QRFPR: variants seen among roughly 807,000 people sequenced by gnomAD.
QRFPR encodes pyroglutamylated RFamide peptide receptor.
In QRFPR, 37 loss-of-function variants were observed where a neutral mutation model predicts 31.3. That is an observed-to-expected ratio of 1.18 (90% CI 0.91 to 1.56). The LOEUF is 1.56. Ranked by LOEUF, QRFPR falls within the 40% of genes most tolerant of loss-of-function variation. The probability of loss-of-function intolerance (pLI) is 0.00; values close to 1 mark genes in which losing one functional copy is unlikely to be tolerated. For synonymous variants in QRFPR, 197 were observed against 192.0 expected (o/e 1.03, Z -0.22); for missense variants, 542 against 532.5 (o/e 1.02, Z -0.18).
At position 121,329,118 on chromosome 4, in the gene QRFPR, T is replaced by A; in HGVS notation, c.*196A>T. On this transcript the variant is annotated 3_prime_UTR_variant, in exon 6 of 6. Transcript: ENST00000394427. Reference sequence around the variant, plus strand: ...GGGAATGAGAAGGAACACAGAAATCTGTTAAATGATTGTGATCAATTGGTT... The same window carrying A: ...GGGAATGAGAAGGAACACAGAAATCAGTTAAATGATTGTGATCAATTGGTT... 2.0e-6 allele frequency: 1 copy of A among 490,290 alleles called. No homozygotes were observed. The highest frequency in any genetic ancestry group is 3.5e-6 in the Non-Finnish European group (1 of 284,860). 30.4% of individuals were successfully genotyped at this position (490,290 alleles called of 1,614,324 possible). A position where few individuals can be genotyped will look rare whatever the true frequency, so the allele number is the denominator to read the frequency against.
chr4:121,360,868 A>G (rs1041886602), intron 1 of QRFPR, among the ~76,000 whole-genome samples: 4 of 152,132 alleles, frequency 2.6e-5, no homozygotes, highest in African/African-American at 9.7e-5. Flanking sequence ...ATACAGAACT[A>G]TTCACATTTT....
Position 121,329,083 on chromosome 4 carries a change from G to C in QRFPR, c.*231C>G, listed in dbSNP as rs1261706195. 2 of 402,216 alleles carry C rather than the reference G, an allele frequency of 5.0e-6. No homozygotes were observed. The highest frequency in any genetic ancestry group is 2.1e-5 in the African/African-American group (1 of 48,436). 24.9% of individuals were successfully genotyped at this position (402,216 alleles called of 1,614,324 possible). A position where few individuals can be genotyped will look rare whatever the true frequency, so the allele number is the denominator to read the frequency against. On this transcript the variant is annotated 3_prime_UTR_variant, in exon 6 of 6. Transcript: ENST00000394427. ...ATGTTGCTTTTTTAAGGCTAGTCAA[G>C]TGAAGCAGTGGGAATGAGAAGGAAC...
chr4:121,340,603 G>T lies in QRFPR; in HGVS notation c.348C>A (p.Phe116Leu), dbSNP rs1200867746. Reference protein sequence around the residue: ...NISDNWLGGAFICKMVPFVQS... With the variant: ...NISDNWLGGALICKMVPFVQS... Reference sequence around the variant, plus strand: ...GGACAAATGGCACCATCTTGCAAATGAAAGCACCTGCAGTAAGGAAATAGG... The same window carrying T: ...GGACAAATGGCACCATCTTGCAAATTAAAGCACCTGCAGTAAGGAAATAGG... The change falls in exon 2 of 6, where the codon TTC becomes TTA. Residue 116 changes from phenylalanine to leucine, a missense_variant. Physicochemically the swap from Phe to Leu is conservative, Grantham distance 22 (BLOSUM62 0). Coordinates refer to ENST00000394427, the MANE Select transcript of QRFPR (RefSeq NM_198179.3). The T allele has an allele frequency of 1.2e-6, 2 of 1,613,518 alleles. No individual in the cohort carries two copies. Among genetic ancestry groups the T allele is most frequent in the South Asian group, 2.2e-5 (2 of 91,050 alleles).
At chr4:121,348,237 C>A (rs1410320843) in intron 1 of QRFPR, among the ~76,000 whole-genome samples, 1 of 152,126 alleles carries the variant, frequency 6.6e-6, no homozygotes, top group East Asian at 1.9e-4. Flanking sequence ...AACAGTACTT[C>A]CCTCATAGGA....
chr4:121,333,192 A>G (rs1477550934), intron 3 of QRFPR, 136 bp from the exon 4 acceptor site: 2 of 608,932 alleles, frequency 3.3e-6, no homozygotes, highest in Admixed American at 6.0e-5. Flanking sequence ...AATGAGATAC[A>G]TTTTTAATTG....
At chr4:121,365,663 ATT>A (rs1325458829) in intron 1 of QRFPR, among the ~76,000 whole-genome samples, 1 of 36,436 alleles carries the variant, frequency 2.7e-5, no homozygotes, top group Non-Finnish European at 4.6e-5. Flanking sequence ...TATTATATAT[ATT>A]TTATATATTA....
chr4:121,366,639 A>G (rs76503879), intron 1 of QRFPR, among the ~76,000 whole-genome samples: 12,326 of 149,758 alleles, frequency 0.082, 1,186 homozygotes, highest in Non-Finnish European at 0.11. Context: ...CTGAGAGTGA[A>G]CAAAGTGAGA....
chr4:121,370,692 T>C (rs915677242), intron 1 of QRFPR, among the ~76,000 whole-genome samples: 1 of 152,140 alleles, frequency 6.6e-6, no homozygotes, highest in Non-Finnish European at 1.5e-5. Flanking sequence ...TGCATCTCAA[T>C]CCCACAGGAA....
intron 3 of QRFPR, among the ~76,000 whole-genome samples, chr4:121,336,449 T>A (rs1410846106): frequency 6.6e-6 from 1 of 152,200 alleles, no homozygotes; most frequent in Non-Finnish European, 1.5e-5. Flanking sequence ...TTTTTTTACG[T>A]GACTTAAAAA....
At chr4:121,336,946 A>G (rs1725447557) in intron 2 of QRFPR, 78 bp from the exon 3 acceptor site, 2 of 1,303,986 alleles carry the variant, frequency 1.5e-6, no homozygotes, top group Non-Finnish European at 2.2e-6. Flanking sequence ...AACCCTCAAG[A>G]TTCCCTATGA....
intron 1 of QRFPR, among the ~76,000 whole-genome samples, chr4:121,365,622 T>A (rs1222098955): frequency 0.33 from 4,543 of 13,660 alleles, 594 homozygotes; most frequent in East Asian, 0.38. Context: ...TTATATATAT[T>A]ATATATTATA....
At chr4:121,362,528 A>G (rs1177232230) in intron 1 of QRFPR, among the ~76,000 whole-genome samples, 2 of 150,178 alleles carry the variant, frequency 1.3e-5, no homozygotes, top group Non-Finnish European at 3.0e-5. Flanking sequence ...CACAAAATTG[A>G]AAAAGAAAAA....
At position 121,380,524 on chromosome 4, in the gene QRFPR, C is replaced by T. The variant is rs1454772190; in HGVS notation, c.124G>A (p.Gly42Arg). Residue 42 changes from glycine (G) to arginine (R), a missense_variant, in exon 1 of 6, where the codon GGA becomes AGA. Gly to Arg is a moderately radical substitution (Grantham distance 125). Transcript: ENST00000394427. ...AGCACGAGGGCCAGCTTGGCGCGTC[C>T]CGGCAGCTCTGGGGTGTAGACGAGC... is the stretch of plus-strand genomic sequence containing the variant. ...RPLVYTPELPGRAKLALVLTG... is the reference protein window; with the variant it reads ...RPLVYTPELPRRAKLALVLTG... 2 of 1,613,486 alleles carry T rather than the reference C, an allele frequency of 1.2e-6. No homozygotes were observed. Among genetic ancestry groups the T allele is most frequent in the East Asian group, 2.2e-5 (1 of 44,864 alleles).
At chr4:121,378,105 C>A (rs1208797575) in intron 1 of QRFPR, among the ~76,000 whole-genome samples, 1 of 152,092 alleles carries the variant, frequency 6.6e-6, no homozygotes, top group African/African-American at 2.4e-5. Flanking sequence ...AATTAAACAC[C>A]CCTTAATAGA....
Position 121,380,973 on chromosome 4 carries a change from G to A in QRFPR, c.-326C>T. On this transcript the variant is annotated 5_prime_UTR_variant, in exon 1 of 6. Coordinates refer to ENST00000394427, the MANE Select transcript of QRFPR (RefSeq NM_198179.3). The stretch of plus-strand genomic sequence containing the variant: ...CCGCCACGGTCTGGGGTGCTGGAGC[G>A]CCACGCGAGGGTCCTGGCGCCTCTG... 3.7e-6 allele frequency: 1 copy of A among 269,516 alleles called. No homozygotes were observed. Among genetic ancestry groups the A allele is most frequent in the Non-Finnish European group, 6.9e-6 (1 of 143,912 alleles). The allele number at this position is 269,516 out of a possible 1,614,324, so 16.7% of individuals were successfully genotyped here. A position where few individuals can be genotyped will look rare whatever the true frequency, so the allele number is the denominator to read the frequency against.
intron 3 of QRFPR, among the ~76,000 whole-genome samples, chr4:121,334,150 T>C (rs1380585139): frequency 6.6e-6 from 1 of 152,198 alleles, no homozygotes; most frequent in Non-Finnish European, 1.5e-5. Context: ...CCAGGGGGTA[T>C]GGACTGACAC....
chr4:121,345,435 G>A (rs922741968), intron 1 of QRFPR, among the ~76,000 whole-genome samples: 3 of 152,204 alleles, frequency 2.0e-5, no homozygotes, highest in African/African-American at 7.2e-5. Context: ...TGCTTGCAAC[G>A]AAGTAGACTT....
intron 1 of QRFPR, among the ~76,000 whole-genome samples, chr4:121,372,740 T>C (rs1726275227): frequency 1.3e-5 from 2 of 152,238 alleles, no homozygotes; most frequent in African/African-American, 4.8e-5. Flanking sequence ...ATCCATGTTG[T>C]AGTAAGTATC....
chr4:121,346,578 A>G (rs1174871118), intron 1 of QRFPR, among the ~76,000 whole-genome samples: 4 of 152,212 alleles, frequency 2.6e-5, no homozygotes, highest in Admixed American at 6.5e-5. Flanking sequence ...GCAATTTTGC[A>G]TAAGAGTGGT....
Sources: gnomAD v4.1 joint callset for allele counts (sites outside exome capture counted in the v4.1 genomes callset) on GRCh38, gnomAD v4.1.1 for gene constraint, MANE v1.5 for transcripts, NCBI Gene and HGNC (gene_info 2026-07-23, HGNC 2026-07-21) for gene names.